NXPH2: variants seen among roughly 807,000 people sequenced by gnomAD.
NXPH2 encodes the protein neurexophilin 2.
Under a neutral mutation model 19.8 loss-of-function variants are expected in NXPH2, and 5 were observed. That is an observed-to-expected ratio of 0.25 (90% CI 0.13 to 0.53). NXPH2 has a LOEUF of 0.53. NXPH2 is among the 20% of genes least tolerant of loss of function. NXPH2 has a pLI of 0.96. For missense variants in NXPH2, 289 were observed against 322.8 expected, an observed-to-expected ratio of 0.90 and a Z score of 0.80; for synonymous variants, 154 against 127.4, an observed-to-expected ratio of 1.21 and a Z score of -1.41.
intron 1 of NXPH2, among the ~76,000 whole-genome samples, chr2:138,697,549 C>T (rs937678578): frequency 3.3e-5 from 5 of 151,700 alleles, no homozygotes; most frequent in South Asian, 4.2e-4. Context: ...AAGTGATATA[C>T]GTTTGTAAAA....
At chr2:138,737,796 A>G (rs965186280) in intron 1 of NXPH2, among the ~76,000 whole-genome samples, 2 of 152,180 alleles carry the variant, frequency 1.3e-5, no homozygotes, top group Non-Finnish European at 1.5e-5. Flanking sequence ...GCTTATTTGA[A>G]TCATTACATA....
Position 138,669,733 on chromosome 2 carries a change from C to T in NXPH2, c.*1189G>A, listed in dbSNP as rs1382672258. 3.9e-5 allele frequency among the ~76,000 whole-genome samples: 6 copies of T among 152,132 alleles called. No homozygotes were observed. The highest frequency in any genetic ancestry group is 3.9e-4 in the Admixed American group (6 of 15,274). ...TAATTTAATGATCATTCAGTTCTAC[C>T]ATATAGGACTGCTATTCACCCCCAC... On this transcript the variant is annotated 3_prime_UTR_variant, in exon 2 of 2. Transcript: ENST00000272641.
Position 138,670,883 on chromosome 2 carries a change from A to G in NXPH2, c.*39T>C. 3 of 1,566,816 alleles carry G rather than the reference A, an allele frequency of 1.9e-6. No homozygotes were observed. Among genetic ancestry groups the G allele is most frequent in the Non-Finnish European group, 2.6e-6 (3 of 1,155,960 alleles). On this transcript the variant is annotated 3_prime_UTR_variant, in exon 2 of 2. Coordinates refer to ENST00000272641, the MANE Select transcript of NXPH2 (RefSeq NM_007226.3). Reference sequence around the variant, plus strand: ...GCTTGTTTCTTTGTCATTCTAATCAAATACATATGTATCCCTCATTTCCAC... The same window carrying G: ...GCTTGTTTCTTTGTCATTCTAATCAGATACATATGTATCCCTCATTTCCAC...
chr2:138,754,225 C>T (rs1681867170), intron 1 of NXPH2, among the ~76,000 whole-genome samples: 1 of 152,150 alleles, frequency 6.6e-6, no homozygotes, highest in Non-Finnish European at 1.5e-5. Flanking sequence ...ATTCAGTCAC[C>T]ACACTGGAAA....
chr2:138,709,384 C>G (rs1681062997), intron 1 of NXPH2, among the ~76,000 whole-genome samples: 1 of 152,080 alleles, frequency 6.6e-6, no homozygotes, highest in African/African-American at 2.4e-5. Context: ...TTTTTTAGAG[C>G]AGTTTTGAGT....
chr2:138,671,978 T>C (rs1680423669), intron 1 of NXPH2, among the ~76,000 whole-genome samples: 1 of 152,226 alleles, frequency 6.6e-6, no homozygotes, highest in Non-Finnish European at 1.5e-5. Context: ...AAGTAGTATA[T>C]TTTGACTTCT....
Position 138,671,222 on chromosome 2 carries a change from C to T in NXPH2, c.495G>A (p.Lys165=), listed in dbSNP as rs1209130626. The T allele has an allele frequency of 1.5e-5, 25 of 1,613,836 alleles. No homozygotes were observed. Among genetic ancestry groups the T allele is most frequent in the Non-Finnish European group, 2.0e-5 (24 of 1,179,810 alleles). The change falls in exon 2 of 2, where the codon AAG becomes AAA. Residue 165 remains lysine (K), a synonymous_variant. Transcript: ENST00000272641. ...GGGGGGAAACTTCAAATTCCACCAC[C>T]TTGGAGGGTGGTACCAAGCTCACTG... The part of the protein sequence containing the change: ...NVSVSLVPPS[K]VVEFEVSPQS...
At chr2:138,752,151 T>C (rs1395223984) in intron 1 of NXPH2, among the ~76,000 whole-genome samples, 2 of 152,202 alleles carry the variant, frequency 1.3e-5, no homozygotes, top group South Asian at 2.1e-4. Flanking sequence ...AGTCCACATA[T>C]GATTTCTTTT....
intron 1 of NXPH2, among the ~76,000 whole-genome samples, chr2:138,685,008 C>G (rs1433017553): frequency 6.6e-6 from 1 of 152,212 alleles, no homozygotes; most frequent in Admixed American, 6.5e-5. Context: ...GCTGAGATGA[C>G]AGATTGCATC....
chr2:138,707,090 A>G (rs1274575270), intron 1 of NXPH2, among the ~76,000 whole-genome samples: 1 of 139,816 alleles, frequency 7.2e-6, no homozygotes, highest in African/African-American at 2.6e-5. Context: ...TACTTGCCCC[A>G]TGACAAAAAA....
rs190758544 is a variant in NXPH2, at chr2:138,703,891, A to G, written c.52-32226T>C. ...AGGCAGGTTAGGCGGGATCTTATTTAAAACATAAGAGGTTAGTCCTCTTTC... is the reference window on the plus strand; with the variant it reads ...AGGCAGGTTAGGCGGGATCTTATTTGAAACATAAGAGGTTAGTCCTCTTTC... On this transcript the variant is annotated intron_variant, in intron 1 of 1. Transcript: ENST00000272641. Among the ~76,000 whole-genome samples, 5 of 152,334 alleles carry G rather than the reference A, an allele frequency of 3.3e-5. No individual in the cohort carries two copies. The East Asian group carries it at 9.6e-4, about 29-fold the overall frequency.
At chr2:138,769,925 C>A (rs552444608) in intron 1 of NXPH2, among the ~76,000 whole-genome samples, 2 of 151,960 alleles carry the variant, frequency 1.3e-5, no homozygotes, top group Admixed American at 1.3e-4. Flanking sequence ...CAAAACAGGG[C>A]GCAAATTCAC....
intron 1 of NXPH2, among the ~76,000 whole-genome samples, chr2:138,726,721 T>G (rs1180787949): frequency 6.6e-6 from 1 of 152,158 alleles, no homozygotes; most frequent in Non-Finnish European, 1.5e-5. Flanking sequence ...TCCCCCATTG[T>G]CAGCATCCTG....
At chr2:138,732,186 T>G (rs1156239537) in intron 1 of NXPH2, among the ~76,000 whole-genome samples, 1 of 152,208 alleles carries the variant, frequency 6.6e-6, no homozygotes, top group Non-Finnish European at 1.5e-5. Context: ...TTTGGTGATC[T>G]CATACACAAT....
chr2:138,775,287 T>C (rs949694049), intron 1 of NXPH2, among the ~76,000 whole-genome samples: 2 of 152,198 alleles, frequency 1.3e-5, no homozygotes, highest in Admixed American at 6.5e-5. Flanking sequence ...TTGAGAGTTT[T>C]AATCTAGATT....
chr2:138,704,576 G>A (rs1573960256), intron 1 of NXPH2, among the ~76,000 whole-genome samples: 1 of 152,144 alleles, frequency 6.6e-6, no homozygotes, highest in East Asian at 1.9e-4. Flanking sequence ...AAATCAGAAG[G>A]AGGGGAACTG....
intron 1 of NXPH2, among the ~76,000 whole-genome samples, chr2:138,771,922 T>C (rs1284298008): frequency 6.6e-6 from 1 of 152,130 alleles, no homozygotes; most frequent in Non-Finnish European, 1.5e-5. Context: ...TATAATAAAA[T>C]ACATATTTTC....
rs61735232 is a variant in NXPH2, at chr2:138,671,564, C to T, written c.153G>A (p.Arg51=). The change falls in exon 2 of 2, where the codon AGG becomes AGA. Residue 51 remains arginine (R), a synonymous_variant. Transcript: ENST00000272641. The part of the protein sequence containing the change: ...GTLVGNVVHS[R]IISPLRLFVK... ...CAAACAGGCGCAGGGGACTGATGAT[C>T]CTTGAGTGCACCACGTTGCCGACCA... 1,697 of 1,613,936 alleles carry T rather than the reference C, an allele frequency of 1.1e-3. 15 individuals are homozygous for T. In the African/African-American group the frequency reaches 0.018, roughly 17 times the overall value.
At chr2:138,777,428 A>G (rs1209626249) in intron 1 of NXPH2, among the ~76,000 whole-genome samples, 1 of 152,162 alleles carries the variant, frequency 6.6e-6, no homozygotes, top group Admixed American at 6.5e-5. Flanking sequence ...CACTATACAC[A>G]GGCCAGGAAA....
Sources: allele counts gnomAD v4.1 joint callset (sites outside exome capture counted in the v4.1 genomes callset), GRCh38; gene constraint gnomAD v4.1.1; transcripts MANE v1.5; gene names NCBI Gene and HGNC (gene_info 2026-07-23, HGNC 2026-07-21).